THSD7B: variants seen among roughly 807,000 people sequenced by gnomAD.
THSD7B encodes the protein thrombospondin type 1 domain containing 7B.
THSD7B carries 138 observed loss-of-function variants against 213.6 expected under a neutral mutation model. The observed-to-expected ratio is 0.65, with a 90% CI of 0.56 to 0.74. The LOEUF is 0.74. Ranked by LOEUF, THSD7B falls within the 30% of genes least tolerant of loss-of-function variation. The pLI is 0.00. For missense variants in THSD7B, 1,931 were observed against 1,991.5 expected (o/e 0.97, Z 0.58); for synonymous variants, 742 against 687.0 (o/e 1.08, Z -1.25).
intron 15 of THSD7B, among the ~76,000 whole-genome samples, chr2:137,478,101 G>C (rs1688229634): frequency 6.6e-6 from 1 of 152,038 alleles, no homozygotes; most frequent in African/African-American, 2.4e-5. Flanking sequence ...TTTGGCATCT[G>C]TAAGCTTCCT....
intron 20 of THSD7B, among the ~76,000 whole-genome samples, chr2:137,636,670 G>A (rs1203650469): frequency 6.6e-6 from 1 of 152,016 alleles, no homozygotes; most frequent in Non-Finnish European, 1.5e-5. Flanking sequence ...TTGTCTTCAA[G>A]TAATAAAGAC....
At chr2:137,466,843 C>T (rs1688000722) in intron 15 of THSD7B, among the ~76,000 whole-genome samples, 2 of 152,106 alleles carry the variant, frequency 1.3e-5, no homozygotes, top group Admixed American at 1.3e-4. Flanking sequence ...TCAGCAATGT[C>T]ATAAAGACAG....
chr2:137,130,712 C>A lies in THSD7B; in HGVS notation c.1369+15419C>A, dbSNP rs563924901. ...GTCCCTACAAAGGACATGAAGTCAT[C>A]ATTTTTTATGGCTGCATAGTATTCC... On this transcript the variant is annotated intron_variant, in intron 5 of 27. Coordinates refer to ENST00000409968, the MANE Select transcript of THSD7B (RefSeq NM_001316349.2). Among the ~76,000 whole-genome samples, 978 of 150,456 alleles carry A rather than the reference C, an allele frequency of 6.5e-3. 11 individuals carry two copies. The highest frequency in any genetic ancestry group is 0.023 in the African/African-American group (929 of 41,068).
intron 7 of THSD7B, among the ~76,000 whole-genome samples, chr2:137,229,373 TAC>T (rs1410690621): frequency 1.4e-5 from 2 of 146,746 alleles, no homozygotes; most frequent in Admixed American, 6.8e-5. Flanking sequence ...GTGTGTGTGT[TAC>T]ACACAGTGTG....
At chr2:137,281,903 C>T (rs933984617) in intron 12 of THSD7B, among the ~76,000 whole-genome samples, 61 of 152,234 alleles carry the variant, frequency 4.0e-4, no homozygotes, top group African/African-American at 1.3e-3. Context: ...ATTTATAGTC[C>T]TTTGGGTATA....
chr2:137,122,250 G>C (rs567771978), intron 5 of THSD7B, among the ~76,000 whole-genome samples: 2 of 152,220 alleles, frequency 1.3e-5, no homozygotes, highest in Non-Finnish European at 2.9e-5. Flanking sequence ...CCTCTTTAAT[G>C]GTATAGGAGG....
chr2:137,402,903 G>T (rs1686404251), intron 12 of THSD7B, among the ~76,000 whole-genome samples: 1 of 149,832 alleles, frequency 6.7e-6, no homozygotes, highest in African/African-American at 2.5e-5. Context: ...TCAGTGCATT[G>T]TCATTTTGGA....
intron 12 of THSD7B, among the ~76,000 whole-genome samples, chr2:137,363,172 T>C (rs1685310761): frequency 6.6e-6 from 1 of 152,170 alleles, no homozygotes; most frequent in East Asian, 1.9e-4. Context: ...GAAATAAAGA[T>C]GTTCTTTGAA....
chr2:137,193,896 T>G (rs572351722), intron 7 of THSD7B, among the ~76,000 whole-genome samples: 20 of 151,362 alleles, frequency 1.3e-4, no homozygotes, highest in African/African-American at 4.9e-4. Context: ...GACTCTGGAC[T>G]TTCTCGCTCC....
chr2:137,271,475 A>G (rs11884989), intron 10 of THSD7B, among the ~76,000 whole-genome samples: 2 of 139,548 alleles, frequency 1.4e-5, no homozygotes, highest in Non-Finnish European at 3.0e-5. Context: ...ATAATATATA[A>G]TATAAAATCA....
At chr2:137,621,293 C>A (rs1017091090) in intron 20 of THSD7B, among the ~76,000 whole-genome samples, 1 of 152,272 alleles carries the variant, frequency 6.6e-6, no homozygotes, top group Non-Finnish European at 1.5e-5. Flanking sequence ...ATATATTAGA[C>A]AAAATTGCTC....
rs186334202 is a variant in THSD7B at position 136,882,675 on chromosome 2, G to T, written c.139+358G>T. On this transcript the variant is annotated intron_variant, in intron 2 of 27. Coordinates refer to ENST00000409968, the MANE Select transcript of THSD7B (RefSeq NM_001316349.2). ...GCTAAGAACGCTTTGGACCAGTTCT[G>T]CATGTCTCTTTCAGGGTTTAAACTA... Among the ~76,000 whole-genome samples the T allele has an allele frequency of 3.7e-4, 56 of 152,284 alleles. No homozygotes were observed. The East Asian group carries it at 0.01, about 27-fold the overall frequency.
chr2:136,870,984 G>T (rs1429004568), intron 1 of THSD7B, among the ~76,000 whole-genome samples: 1 of 150,134 alleles, frequency 6.7e-6, no homozygotes, highest in Non-Finnish European at 1.5e-5. Flanking sequence ...TCTTGCATTA[G>T]GAGGGGAGTG....
At chr2:137,199,107 TG>T (rs1286110117) in intron 7 of THSD7B, among the ~76,000 whole-genome samples, 1 of 152,202 alleles carries the variant, frequency 6.6e-6, no homozygotes, top group Admixed American at 6.5e-5. Context: ...GGGTAAATAG[TG>T]GTGCTGCTCT....
intron 12 of THSD7B, among the ~76,000 whole-genome samples, chr2:137,304,734 C>G (rs1470037469): frequency 6.6e-6 from 1 of 151,912 alleles, no homozygotes; most frequent in Non-Finnish European, 1.5e-5. Context: ...AGCCATGGCT[C>G]TCTTTAGGAA....
intron 17 of THSD7B, among the ~76,000 whole-genome samples, chr2:137,575,607 G>GA (rs1348900420): frequency 6.6e-6 from 1 of 151,686 alleles, no homozygotes; most frequent in African/African-American, 2.4e-5. Flanking sequence ...ACTGTATTGG[G>GA]AAAACCATAA....
At chr2:136,938,664 A>T (rs1282501144) in intron 2 of THSD7B, among the ~76,000 whole-genome samples, 1 of 152,140 alleles carries the variant, frequency 6.6e-6, no homozygotes, top group Non-Finnish European at 1.5e-5. Context: ...TAGACTTTGT[A>T]TTGAGGCACA....
chr2:137,541,120 G>GAGACA (rs1346547833), intron 15 of THSD7B, among the ~76,000 whole-genome samples: 1 of 151,660 alleles, frequency 6.6e-6, no homozygotes, highest in East Asian at 1.9e-4. Context: ...TCATAACACA[G>GAGACA]AGACATCATT....
At chr2:136,830,712 T>C (rs984394661) in intron 1 of THSD7B, among the ~76,000 whole-genome samples, 1 of 152,216 alleles carries the variant, frequency 6.6e-6, no homozygotes, top group East Asian at 1.9e-4. Flanking sequence ...CTATTTCAAA[T>C]GGGTATCAGC....
Sources: gnomAD v4.1 joint callset for allele counts (sites outside exome capture counted in the v4.1 genomes callset) on GRCh38, gnomAD v4.1.1 for gene constraint, MANE v1.5 for transcripts, NCBI Gene and HGNC (gene_info 2026-07-23, HGNC 2026-07-21) for gene names.